FRMD8: variants seen among roughly 807,000 people sequenced by gnomAD.
FRMD8 encodes the protein FERM domain containing 8, also known as FERM domain-containing protein 8.
FRMD8 carries 37 observed loss-of-function variants against 54.2 expected under a neutral mutation model. The ratio of observed to expected loss-of-function variants is 0.68; its 90% CI spans 0.53 to 0.90. The LOEUF is 0.90. Ranked by LOEUF, FRMD8 falls within the 40% of genes least tolerant of loss-of-function variation. The pLI, the probability that FRMD8 is intolerant of heterozygous loss-of-function variation, is 0.00. For synonymous variants in FRMD8, 246 were observed against 286.9 expected (o/e 0.86, Z 1.44); for missense variants, 585 against 653.7 (o/e 0.89, Z 1.15).
Position 65,405,071 on chromosome 11 carries a change from G to T in FRMD8, c.1276+3G>T. ...CACCATCGACTACGTGGAGGACGGT[G>T]AGCAGCCCTTCTGTGCATGTGCACA... On this transcript the variant is annotated splice_donor_region_variant and intron_variant, in intron 10 of 10. Transcript: ENST00000317568. 1 of 1,613,270 alleles carries T rather than the reference G, an allele frequency of 6.2e-7. No homozygotes were observed. Among genetic ancestry groups the T allele is most frequent in the Non-Finnish European group, 8.5e-7 (1 of 1,179,880 alleles).
rs187097418 is a variant in FRMD8 at position 65,389,909 on chromosome 11, C to G, written c.253+381C>G. Reference sequence around the variant, plus strand: ...CCATGATTTCACCTTGTCCTCAGGCCTAGGCCAGTCTTGCAGATGGAAGTT... The same window carrying G: ...CCATGATTTCACCTTGTCCTCAGGCGTAGGCCAGTCTTGCAGATGGAAGTT... On this transcript the variant is annotated intron_variant, in intron 3 of 10. Coordinates refer to ENST00000317568, the MANE Select transcript of FRMD8 (RefSeq NM_031904.5). 8.5e-5 allele frequency among the ~76,000 whole-genome samples: 13 copies of G among 152,308 alleles called. No homozygotes were observed. The East Asian group carries it at 1.7e-3, about 20-fold the overall frequency.
At chr11:65,393,118 G>A (rs1341907505) in intron 3 of FRMD8, among the ~76,000 whole-genome samples, 2 of 152,230 alleles carry the variant, frequency 1.3e-5, no homozygotes, top group African/African-American at 4.8e-5. Flanking sequence ...CCTCAGAGGT[G>A]TCAGAGGTGG....
In FRMD8 at chr11:65,404,905, G is replaced by A; in HGVS notation, c.1113G>A (p.Leu371=). 1 of 1,613,206 alleles carries A rather than the reference G, an allele frequency of 6.2e-7. No individual in the cohort carries two copies. The highest frequency in any genetic ancestry group is 1.1e-5 in the South Asian group (1 of 91,074). Residue 371 remains leucine (L), a synonymous_variant, in exon 10 of 11, where the codon CTG becomes CTA. Transcript: ENST00000317568. This position sits in a 1 kb window ranked among gnomAD's most constrained non-coding sequence, Gnocchi z 4.7. The stretch of plus-strand genomic sequence containing the variant: ...GTCTCATTGAGTACTGCATCGAACT[G>A]AGCCAGGCGGCGGAGCCCGCAGGCC... ...MSSLIEYCIE[L]SQAAEPAGPQ... is the part of the protein sequence containing the mutation.
In FRMD8 at chr11:65,404,284, C is replaced by T. The variant is rs977024368; in HGVS notation, c.1072-580C>T. Among the ~76,000 whole-genome samples the T allele has an allele frequency of 5.3e-5, 8 of 152,220 alleles. No individual in the cohort carries two copies. The highest frequency in any genetic ancestry group is 3.9e-4 in the Admixed American group (6 of 15,290). On this transcript the variant is annotated intron_variant, in intron 9 of 10. Coordinates refer to ENST00000317568, the MANE Select transcript of FRMD8 (RefSeq NM_031904.5). The surrounding 1 kb of genome is among the most constrained non-coding windows in gnomAD (Gnocchi z 4.7). ...TAAGGGGTGCCACCCTTTTAACACC[C>T]TCTGCGACTCCCTCAAACCCCTGAA... is the stretch of plus-strand genomic sequence containing the variant.
chr11:65,376,164 CCT>C, the FRMD8 span: 6 of 582,390 alleles, frequency 1.0e-5, no homozygotes, highest in Admixed American at 1.8e-4. Context: ...CCTCATGCTC[CCT>C]GTTTCACAGA....
chr11:65,393,766 C>A, intron 4 of FRMD8, 92 bp downstream of exon 4: 1 of 1,107,342 alleles, frequency 9.0e-7, no homozygotes, highest in Non-Finnish European at 1.3e-6. Context: ...CAGCAAGGAG[C>A]TGCCCTGGCT....
upstream of FRMD8, chr11:65,381,974 T>C (rs78982565): frequency 6.2e-3 from 9,933 of 1,610,284 alleles, 585 homozygotes; most frequent in African/African-American, 0.12. Flanking sequence ...CGGGAACTGG[T>C]GGCTCCAGCA....
chr11:65,371,212 A>C, the FRMD8 span, among the ~76,000 whole-genome samples: 1 of 152,128 alleles, frequency 6.6e-6, no homozygotes, highest in South Asian at 2.1e-4. Context: ...AGCCAGAGTC[A>C]TCTCGTGGTT....
chr11:65,401,469 A>C (rs1590656878), intron 9 of FRMD8, among the ~76,000 whole-genome samples: 1 of 117,490 alleles, frequency 8.5e-6, no homozygotes, highest in African/African-American at 3.3e-5. Flanking sequence ...GACTGTTCCC[A>C]CCCCTTCCTC....
rs569673889 is a variant in FRMD8, at chr11:65,399,798, G to A, written c.866G>A (p.Arg289His). 3.9e-5 allele frequency: 63 copies of A among 1,613,972 alleles called. No individual in the cohort carries two copies. The highest frequency in any genetic ancestry group is 8.8e-5 in the South Asian group (8 of 91,050). The change falls in exon 8 of 11, where the codon CGC (arginine) becomes CAC (histidine). Residue 289 changes from arginine (R) to histidine (H), a missense_variant. Physicochemically the swap from Arg to His is conservative, Grantham distance 29 (BLOSUM62 0). Coordinates refer to ENST00000317568, the MANE Select transcript of FRMD8 (RefSeq NM_031904.5). ...CAAGGCTTTTTGCACCGGGGTGGGC[G>A]CAAGCCAGTTTCTGTGGCCATCAGT... ...PAQGFLHRGG[R>H]KPVSVAISLE...
At chr11:65,382,288 T>C (rs1291504390), upstream of FRMD8, 4 of 374,372 alleles carry the variant, frequency 1.1e-5, no homozygotes, top group Non-Finnish European at 2.0e-5. The surrounding 1 kb of genome is among the most constrained non-coding windows in gnomAD (Gnocchi z 4.4). Flanking sequence ...AGGGCTGCCT[T>C]AGTCAGCAAG....
At chr11:65,390,611 C>T (rs774859769) in intron 3 of FRMD8, among the ~76,000 whole-genome samples, 2 of 152,010 alleles carry the variant, frequency 1.3e-5, no homozygotes, top group Non-Finnish European at 2.9e-5. Flanking sequence ...TGGGAGGTGC[C>T]CGCCCACCCT....
At chr11:65,394,207 T>A (rs1250569186) in intron 5 of FRMD8, 52 bp from the exon 6 acceptor site, 1 of 1,591,736 alleles carries the variant, frequency 6.3e-7, no homozygotes, top group Non-Finnish European at 8.6e-7. Flanking sequence ...ACTGAGCAGC[T>A]CTCCCTGCCC....
chr11:65,399,768 C>T lies in FRMD8; in HGVS notation c.836C>T (p.Pro279Leu), dbSNP rs142081480. The T allele has an allele frequency of 4.9e-5, 79 of 1,614,082 alleles. 1 individual carries two copies. The highest frequency in any genetic ancestry group is 8.0e-5 in the African/African-American group (6 of 75,062). Residue 279 changes from proline to leucine, a missense_variant, in exon 8 of 11, where the codon CCG (proline) becomes CTG (leucine). Physicochemically the swap from Pro to Leu is moderately conservative, Grantham distance 98 (BLOSUM62 -3). Transcript: ENST00000317568. ...CAFFHGEVDK[P>L]AQGFLHRGGR... ...TTCTTCCACGGTGAGGTTGACAAGC[C>T]GGCCCAAGGCTTTTTGCACCGGGGT...
At chr11:65,378,742 G>T in the FRMD8 span, 1 of 152,398 alleles carries the variant, frequency 6.6e-6, no homozygotes, top group African/African-American at 2.4e-5. Context: ...GGTGCCGGGC[G>T]CACCCTCTCC....
the FRMD8 span, among the ~76,000 whole-genome samples, chr11:65,373,986 C>T: frequency 3.2e-4 from 48 of 152,228 alleles, no homozygotes; most frequent in African/African-American, 1.1e-3. Context: ...CAGGATGAAG[C>T]TTGCTAAACT....
At position 65,400,172 on chromosome 11, in the gene FRMD8, C is replaced by A. The variant is rs988310855; in HGVS notation, c.927+313C>A. On this transcript the variant is annotated intron_variant, in intron 8 of 10. Coordinates refer to ENST00000317568, the MANE Select transcript of FRMD8 (RefSeq NM_031904.5). The surrounding 1 kb of genome is among the most constrained non-coding windows in gnomAD (Gnocchi z 4.3). ...AGAACAGCCTGATGCTCCAGAAGAC[C>A]CCGCGACGGGAGCCCTCTTGGGCTG... Among the ~76,000 whole-genome samples the A allele has an allele frequency of 2.6e-5, 4 of 152,170 alleles. No homozygotes were observed. The highest frequency in any genetic ancestry group is 9.7e-5 in the African/African-American group (4 of 41,428).
chr11:65,390,228 G>A (rs940177418), intron 3 of FRMD8, among the ~76,000 whole-genome samples: 5 of 152,068 alleles, frequency 3.3e-5, no homozygotes, highest in African/African-American at 7.2e-5. Context: ...ACTTAAGGGC[G>A]GTGGCTCTCT....
intron 3 of FRMD8, among the ~76,000 whole-genome samples, chr11:65,392,989 C>T (rs1312282304): frequency 6.6e-6 from 1 of 152,120 alleles, no homozygotes; most frequent in Non-Finnish European, 1.5e-5. Context: ...GCCAAGGTGG[C>T]AGGAGCAGAG....
Sources: allele counts gnomAD v4.1 joint callset (sites outside exome capture counted in the v4.1 genomes callset), GRCh38; gene constraint gnomAD v4.1.1; non-coding constraint Gnocchi (gnomAD v3.1); transcripts MANE v1.5; gene names NCBI Gene and HGNC (gene_info 2026-07-23, HGNC 2026-07-21).